RBM25: variants seen among roughly 807,000 people sequenced by gnomAD.
RBM25 encodes RNA binding motif protein 25.
A neutral mutation model predicts 120.7 loss-of-function variants in RBM25; 19 were observed. The ratio of observed to expected loss-of-function variants is 0.16; its 90% CI spans 0.11 to 0.23. RBM25 has a LOEUF of 0.23. RBM25 is among the 10% of genes least tolerant of loss of function. RBM25 has a pLI of 1.00. For synonymous variants in RBM25, 390 were observed against 326.7 expected (o/e 1.19, Z -2.09); for missense variants, 605 against 1,041.5 (o/e 0.58, Z 5.77).
At chr14:73,065,691 T>G (rs1004719185) in intron 1 of RBM25, among the ~76,000 whole-genome samples, 2 of 152,046 alleles carry the variant, frequency 1.3e-5, no homozygotes, top group Non-Finnish European at 2.9e-5. Context: ...GTGCTGGGAT[T>G]ACAGGCATGA....
intron 1 of RBM25, chr14:73,069,830 T>C (rs937054440): frequency 1.6e-5 from 1 of 62,450 alleles, no homozygotes; most frequent in Non-Finnish European, 3.8e-5. Flanking sequence ...TTTTTCTTTC[T>C]TTTTTTTTTT....
chr14:73,099,708 C>T lies in RBM25; in HGVS notation c.825C>T (p.Asp275=), dbSNP rs1335042440. The change falls in exon 9 of 19, where the codon GAC becomes GAT. Residue 275 remains aspartate (D), a synonymous_variant. Coordinates refer to ENST00000261973, the MANE Select transcript of RBM25 (RefSeq NM_021239.3). The part of the protein sequence containing the change: ...NAIEMEEDKR[D]LISREISKFR... Reference sequence around the variant, plus strand: ...TAGAAATGGAAGAAGACAAAAGAGACCTGATATCTCGAGAGATCAGCAAAT... The same window carrying T: ...TAGAAATGGAAGAAGACAAAAGAGATCTGATATCTCGAGAGATCAGCAAAT... 6.2e-7 allele frequency: 1 copy of T among 1,608,328 alleles called. No homozygotes were observed. Among genetic ancestry groups the T allele is most frequent in the Middle Eastern group, 1.7e-4 (1 of 6,022 alleles).
intron 5 of RBM25, among the ~76,000 whole-genome samples, chr14:73,086,582 G>A (rs1011321890): frequency 2.0e-5 from 3 of 152,130 alleles, no homozygotes; most frequent in Admixed American, 2.0e-4. Context: ...TGAGGTCCCC[G>A]AGTTTCAAGG....
chr14:73,115,103 A>T (rs1896397246), intron 18 of RBM25, among the ~76,000 whole-genome samples: 1 of 152,028 alleles, frequency 6.6e-6, no homozygotes, highest in Non-Finnish European at 1.5e-5. Context: ...ATCTGATGGC[A>T]TTGATAGCAG....
intron 6 of RBM25, among the ~76,000 whole-genome samples, chr14:73,095,199 T>A (rs1895915040): frequency 6.6e-6 from 1 of 152,180 alleles, no homozygotes; most frequent in African/African-American, 2.4e-5. Flanking sequence ...ATTTAAGTTA[T>A]CTGTGTCATA....
At position 73,117,227 on chromosome 14, in the gene RBM25, T is replaced by C. The variant is rs1313879046; in HGVS notation, c.2440-2486T>C. Among the ~76,000 whole-genome samples, 208 of 119,594 alleles carry C rather than the reference T, an allele frequency of 1.7e-3. 5 individuals carry two copies. Among genetic ancestry groups the C allele is most frequent in the African/African-American group, 5.9e-3 (182 of 30,872 alleles). The allele number at this position is 119,594 out of a possible 152,430, so 78.5% of individuals were successfully genotyped here. ...CTTCTTTTCTTTTTTTTTTTTTTTT[T>C]TTTTTTTTTTTTTTTTTGAGACAGA... On this transcript the variant is annotated intron_variant, in intron 18 of 18. Transcript: ENST00000261973.
At chr14:73,115,154 G>A (rs1220100228) in intron 18 of RBM25, among the ~76,000 whole-genome samples, 1 of 14,112 alleles carries the variant, frequency 7.1e-5, no homozygotes, top group East Asian at 3.0e-3. Flanking sequence ...GAACTGATAC[G>A]TGTGTGTGTG....
At position 73,103,180 on chromosome 14, in the gene RBM25, A is replaced by G. The variant is rs767514329; in HGVS notation, c.868-12A>G. On this transcript the variant is annotated splice_polypyrimidine_tract_variant and intron_variant, in intron 9 of 18. Transcript: ENST00000261973. ...CAGAGTTAACTCTAAAAGTGCTTTT[A>G]TTGGTTTCTAGAAACTGGAAGAAGA... is the stretch of plus-strand genomic sequence containing the variant. 9 of 1,603,074 alleles carry G rather than the reference A, an allele frequency of 5.6e-6. No individual in the cohort carries two copies. The highest frequency in any genetic ancestry group is 7.6e-6 in the Non-Finnish European group (9 of 1,177,184).
intron 13 of RBM25, 145 bp downstream of exon 13, chr14:73,108,044 T>C: frequency 1.5e-6 from 1 of 645,654 alleles, no homozygotes; most frequent in East Asian, 2.7e-5. Context: ...CTATAGCTAA[T>C]ACACTGTTTT....
chr14:73,068,090 G>T, intron 1 of RBM25: 5 of 628,478 alleles, frequency 8.0e-6, no homozygotes, highest in South Asian at 6.5e-5. Flanking sequence ...CATGAGCTAC[G>T]ACCACCCCAA....
At chr14:73,066,322 C>G (rs961678674) in intron 1 of RBM25, among the ~76,000 whole-genome samples, 2 of 151,984 alleles carry the variant, frequency 1.3e-5, no homozygotes, top group African/African-American at 4.8e-5. Context: ...TTTCTAATAC[C>G]TCATTTGCCA....
At chr14:73,103,155 C>G (rs540619514) in intron 9 of RBM25, 37 bp from the exon 10 acceptor site, 1 of 1,585,216 alleles carries the variant, frequency 6.3e-7, no homozygotes. Context: ...ACTGGAGCTA[C>G]AGAGTTAACT....
In RBM25 at chr14:73,115,439, TC is replaced by T. The variant is rs1341501397; in HGVS notation, c.2439+1108del. Among the ~76,000 whole-genome samples the T allele has an allele frequency of 5.3e-5, 8 of 152,202 alleles. No individual in the cohort carries two copies. The South Asian group carries it at 1.4e-3, about 28-fold the overall frequency. ...AAACATACTGTATTTGGTTTTCTGT[TC>T]CTGTGTTAGTTTGCTAAGGATAGTG... On this transcript the variant is annotated intron_variant, in intron 18 of 18. Coordinates refer to ENST00000261973, the MANE Select transcript of RBM25 (RefSeq NM_021239.3).
chr14:73,109,680 C>T (rs1896265921), intron 14 of RBM25, among the ~76,000 whole-genome samples, 188 bp downstream of exon 14: 1 of 151,922 alleles, frequency 6.6e-6, no homozygotes, highest in Non-Finnish European at 1.5e-5. Flanking sequence ...GTAGTCCCAG[C>T]TACTCGGGAG....
Position 73,061,594 on chromosome 14 carries a change from T to TG in RBM25, c.-16+2893dup, listed in dbSNP as rs1179771056. Among the ~76,000 whole-genome samples, 5 of 151,232 alleles carry TG rather than the reference T, an allele frequency of 3.3e-5. No homozygotes were observed. In the East Asian group the frequency reaches 5.8e-4, roughly 17 times the overall value. On this transcript the variant is annotated intron_variant, in intron 1 of 18. Coordinates refer to ENST00000261973, the MANE Select transcript of RBM25 (RefSeq NM_021239.3). ...TTTTTGTTTTATTTGGTTTTTGAGATGGGGTCTCTTTCACCCAGGTGGAGG... is the reference window on the plus strand; with the variant it reads ...TTTTTGTTTTATTTGGTTTTTGAGATGGGGGTCTCTTTCACCCAGGTGGAGG...
rs138217901 is a variant in RBM25 at position 73,111,064 on chromosome 14, T to A, written c.1926T>A (p.Ser642=). Residue 642 remains serine, a synonymous_variant, in exon 15 of 19, where the codon TCT becomes TCA. Coordinates refer to ENST00000261973, the MANE Select transcript of RBM25 (RefSeq NM_021239.3). ...CACCTAACACTCCTGGGGATGAGTCTCCCTGTGGTATTATTATTCCTCATG... is the reference window on the plus strand; with the variant it reads ...CACCTAACACTCCTGGGGATGAGTCACCCTGTGGTATTATTATTCCTCATG... ...NATPNTPGDE[S]PCGIIIPHEN... The A allele has an allele frequency of 4.5e-5, 72 of 1,614,160 alleles. No individual in the cohort carries two copies. The South Asian group carries it at 6.1e-4, about 14-fold the overall frequency.
rs534180687 is a variant in RBM25 at position 73,119,333 on chromosome 14, C to T, written c.2440-380C>T. 2.0e-5 allele frequency among the ~76,000 whole-genome samples: 3 copies of T among 152,058 alleles called. No homozygotes were observed. In the East Asian group the frequency reaches 5.8e-4, roughly 29 times the overall value. ...TGTTGCTCAGGCTGGAGTGCAGTGG[C>T]GCGATCTTGGCAAGCTCCGCCTCCT... On this transcript the variant is annotated intron_variant, in intron 18 of 18. Transcript: ENST00000261973.
chr14:73,096,926 A>G lies in RBM25; in HGVS notation c.555A>G (p.Pro185=), dbSNP rs1383134402. The change falls in exon 7 of 19, where the codon CCA becomes CCG. Residue 185 remains proline (P), a synonymous_variant. Coordinates refer to ENST00000261973, the MANE Select transcript of RBM25 (RefSeq NM_021239.3). ...KKKASNGNAR[P]ETVTNDDEEA... ...CTGTTTTGTTTAAGAATGCAAGGCC[A>G]GAAACTGTCACTAATGACGATGAAG... The G allele has an allele frequency of 1.9e-6, 3 of 1,611,890 alleles. No homozygotes were observed. The highest frequency in any genetic ancestry group is 2.5e-6 in the Non-Finnish European group (3 of 1,179,566).
chr14:73,071,559 A>C (rs1895293576), intron 1 of RBM25, 68 bp from the exon 2 acceptor site: 1 of 1,129,280 alleles, frequency 8.9e-7, no homozygotes, highest in Non-Finnish European at 1.3e-6. Context: ...AATGAAAGTC[A>C]ACAAAGAAGG....
Sources: gnomAD v4.1 joint callset for allele counts (sites outside exome capture counted in the v4.1 genomes callset) on GRCh38, gnomAD v4.1.1 for gene constraint, MANE v1.5 for transcripts, NCBI Gene and HGNC (gene_info 2026-07-23, HGNC 2026-07-21) for gene names.